Variants in CP observed in about 807,000 individuals in gnomAD.
CP encodes caeruloplasmin.
In CP, 64 loss-of-function variants were observed where a neutral mutation model predicts 122.4. The observed-to-expected ratio is 0.52, with a 90% CI of 0.43 to 0.64. The LOEUF is 0.64. CP is among the 30% of genes least tolerant of loss of function. The pLI, the probability that CP is intolerant of heterozygous loss-of-function variation, is 0.00. For synonymous variants in CP, 440 were observed against 436.4 expected (o/e 1.01, Z -0.10); for missense variants, 1,167 against 1,284.4 (o/e 0.91, Z 1.40).
intron 9 of CP, among the ~76,000 whole-genome samples, chr3:149,189,396 CA>C (rs977742096): frequency 6.6e-6 from 1 of 151,132 alleles, no homozygotes; most frequent in Non-Finnish European, 1.5e-5. Flanking sequence ...ACTAAAAATA[CA>C]AAAAAAATTA....
At chr3:149,183,391 G>C in intron 13 of CP, 75 bp downstream of exon 13, 1 of 1,486,918 alleles carries the variant, frequency 6.7e-7, no homozygotes, top group Non-Finnish European at 9.3e-7. Context: ...GAAACCCATA[G>C]ACATGAATTG....
chr3:149,203,549 C>A (rs1727494277), intron 6 of CP, among the ~76,000 whole-genome samples: 1 of 152,248 alleles, frequency 6.6e-6, no homozygotes, highest in Non-Finnish European at 1.5e-5. Context: ...CAGGCATGAG[C>A]CACGGCGCTT....
intron 8 of CP, 74 bp downstream of exon 8, chr3:149,199,638 G>T: frequency 1.3e-6 from 2 of 1,568,416 alleles, no homozygotes; most frequent in Non-Finnish European, 8.8e-7. Flanking sequence ...TTCAGTTTTT[G>T]CAGCATACTG....
intron 3 of CP, 126 bp from the exon 4 acceptor site, chr3:149,209,510 A>G: frequency 1.0e-6 from 1 of 961,880 alleles, no homozygotes; most frequent in South Asian, 1.7e-5. Context: ...ACAAGTCTGG[A>G]CCAGTCACTC....
chr3:149,205,538 A>G (rs1321582242), intron 6 of CP, among the ~76,000 whole-genome samples: 1 of 152,126 alleles, frequency 6.6e-6, no homozygotes, highest in East Asian at 1.9e-4. Flanking sequence ...TGGTATATAC[A>G]TACAATGAAG....
intron 10 of CP, 84 bp from the exon 11 acceptor site, chr3:149,186,816 G>A: frequency 7.5e-7 from 1 of 1,341,154 alleles, no homozygotes; most frequent in South Asian, 1.2e-5. Context: ...GACCAACTTT[G>A]TTTTTTTAAT....
In CP at chr3:149,183,608, TAAA is replaced by T. The variant is rs561633350; in HGVS notation, c.2286-6_2286-4del. ...TATCTAAAAATGCATTTGAAACACT[TAAA>T]AAAAAAAACAACTAAGGTTAGTATT... On this transcript the variant is annotated splice_polypyrimidine_tract_variant and splice_region_variant and intron_variant, in intron 12 of 18. Coordinates refer to ENST00000264613, the MANE Select transcript of CP (RefSeq NM_000096.4). The T allele has an allele frequency of 2.3e-6, 3 of 1,285,280 alleles. No homozygotes were observed. The highest frequency in any genetic ancestry group is 3.2e-6 in the Non-Finnish European group (3 of 951,716). The allele number at this position is 1,285,280 out of a possible 1,614,324, so 79.6% of individuals were successfully genotyped here. A position where few individuals can be genotyped will look rare whatever the true frequency, so the allele number is the denominator to read the frequency against.
chr3:149,200,552 G>A (rs1727232383), intron 7 of CP, among the ~76,000 whole-genome samples: 1 of 151,994 alleles, frequency 6.6e-6, no homozygotes, highest in Non-Finnish European at 1.5e-5. Context: ...GCCTAGGCTG[G>A]AGTGCAGTGG....
chr3:149,200,677 CTT>C (rs760942815), intron 7 of CP, among the ~76,000 whole-genome samples: 8 of 142,248 alleles, frequency 5.6e-5, no homozygotes, highest in African/African-American at 5.1e-5. Context: ...CATTTTTGTA[CTT>C]TTTTTTTTTT....
downstream of CP, among the ~76,000 whole-genome samples, chr3:149,171,506 T>C (rs1252677892): frequency 6.6e-6 from 1 of 152,122 alleles, no homozygotes; most frequent in Non-Finnish European, 1.5e-5. Flanking sequence ...TAGAGGATAG[T>C]AGAAATTGAT....
chr3:149,163,774 C>A, intron 5 of CP: 1 of 851,084 alleles, frequency 1.2e-6, no homozygotes, highest in African/African-American at 1.7e-5. Flanking sequence ...TTGCTTTGCT[C>A]TTTGTGGAAT....
At chr3:149,198,281 T>C in intron 9 of CP, 86 bp downstream of exon 9, 2 of 1,064,020 alleles carry the variant, frequency 1.9e-6, no homozygotes, top group Non-Finnish European at 2.9e-6. Flanking sequence ...TTTTTGGAGA[T>C]AATGATGAGG....
chr3:149,201,282 G>A (rs1456184170), intron 7 of CP, among the ~76,000 whole-genome samples: 2 of 151,584 alleles, frequency 1.3e-5, no homozygotes, highest in African/African-American at 2.4e-5. Context: ...CACCACGCCC[G>A]GCTAATTTTT....
In CP at chr3:149,199,777, C is replaced by T. The variant is rs1315707398; in HGVS notation, c.1436G>A (p.Gly479Glu). ...CTCGTTGTTCTTATTGAATCTCACCCCAATCGGCTCAATACTGAGGGGATA... is the reference window on the plus strand; with the variant it reads ...CTCGTTGTTCTTATTGAATCTCACCTCAATCGGCTCAATACTGAGGGGATA... ...GAYPLSIEPI[G>E]VRFNKNNEGT... The change falls in exon 8 of 19, where the codon GGG becomes GAG. Residue 479 changes from glycine (G) to glutamate (E), a missense_variant. Physicochemically the swap from Gly to Glu is moderately conservative, Grantham distance 98. Around this residue, in one of 2 missense-constraint regions of CP, gnomAD observed 642 missense variants for 627.3 expected, o/e 1.02. Transcript: ENST00000264613. The T allele has an allele frequency of 3.1e-6, 5 of 1,613,994 alleles. No individual in the cohort carries two copies. The highest frequency in any genetic ancestry group is 1.3e-5 in the African/African-American group (1 of 74,914).
intron 8 of CP, among the ~76,000 whole-genome samples, chr3:149,199,259 C>T (rs34654392): frequency 0.11 from 15,924 of 151,608 alleles, 933 homozygotes; most frequent in African/African-American, 0.14. Flanking sequence ...TGATCTCAAC[C>T]GTATTTAAAA....
rs769666265 is a variant in CP, at chr3:149,178,406, G to A, written c.2878+9C>T. The A allele has an allele frequency of 3.9e-6, 6 of 1,547,202 alleles. No homozygotes were observed. The highest frequency in any genetic ancestry group is 3.6e-6 in the Non-Finnish European group (4 of 1,120,006). ...AGTAGAAAAATTGTTTTAGAATAATGTGACATACCATGCATTTTATTGCTT... is the reference window on the plus strand; with the variant it reads ...AGTAGAAAAATTGTTTTAGAATAATATGACATACCATGCATTTTATTGCTT... On this transcript the variant is annotated intron_variant, in intron 16 of 18. Coordinates refer to ENST00000264613, the MANE Select transcript of CP (RefSeq NM_000096.4).
In CP at chr3:149,210,456, C is replaced by A; in HGVS notation, c.395-77G>T. ...TGAGAGAATAGATAGTCCATTAATT[C>A]ATTCAGCAAACATTTATTAAACATC... On this transcript the variant is annotated intron_variant, in intron 2 of 18. Transcript: ENST00000264613. 3 of 1,236,810 alleles carry A rather than the reference C, an allele frequency of 2.4e-6. No homozygotes were observed. The South Asian group carries it at 3.7e-5, about 15-fold the overall frequency. The allele number at this position is 1,236,810 out of a possible 1,614,324, so 76.6% of individuals were successfully genotyped here.
Position 149,177,919 on chromosome 3 carries a change from A to T in CP, c.2939T>A (p.Val980Asp). The T allele has an allele frequency of 6.2e-7, 1 of 1,613,606 alleles. No homozygotes were observed. Among genetic ancestry groups the T allele is most frequent in the Non-Finnish European group, 8.5e-7 (1 of 1,179,546 alleles). ...GCCCATTCCCATCAGATACCAGTTG[A>T]CTTCATCTCCCACGTGCATTGTGAG... Reference protein sequence around the residue: ...QGLTMHVGDEVNWYLMGMGNE... With the variant: ...QGLTMHVGDEDNWYLMGMGNE... The change falls in exon 17 of 19, where the codon GTC (valine) becomes GAC (aspartate). Residue 980 changes from valine (V) to aspartate (D), a missense_variant. This residue lies in a region of CP where 525 missense variants were observed against 657.2 expected (regional missense o/e 0.80). Transcript: ENST00000264613.
At chr3:149,205,599 A>G (rs936938877) in intron 6 of CP, among the ~76,000 whole-genome samples, 9 of 152,128 alleles carry the variant, frequency 5.9e-5, no homozygotes, top group Non-Finnish European at 1.2e-4. Flanking sequence ...CTACAACATG[A>G]ACAAATCTTA....
Sources: gnomAD v4.1 joint callset for allele counts (sites outside exome capture counted in the v4.1 genomes callset) on GRCh38, gnomAD v4.1.1 for gene constraint, gnomAD v4.1.1 regional missense constraint, MANE v1.5 for transcripts, NCBI Gene and HGNC (gene_info 2026-07-23, HGNC 2026-07-21) for gene names.